BCAS3: variants seen among roughly 807,000 people sequenced by gnomAD.
BCAS3 encodes BCAS3 microtubule associated cell migration factor.
A neutral mutation model predicts 116.1 loss-of-function variants in BCAS3; 53 were observed. The ratio of observed to expected loss-of-function variants is 0.46; its 90% confidence interval spans 0.37 to 0.57. BCAS3 has a LOEUF of 0.57. Among genes scored for constraint, BCAS3 ranks in the 20% least tolerant of loss-of-function variants. The probability of loss-of-function intolerance (pLI) is 0.00; values close to 1 mark genes in which losing one functional copy is unlikely to be tolerated. For synonymous variants in BCAS3, 391 were observed against 408.2 expected (o/e 0.96, Z 0.51); for missense variants, 917 against 1,165.4 (o/e 0.79, Z 3.10).
intron 22 of BCAS3, among the ~76,000 whole-genome samples, chr17:61,178,058 T>C (rs2079249616): frequency 6.6e-6 from 1 of 152,186 alleles, no homozygotes. Flanking sequence ...GGTGTTTTGC[T>C]TCAGACTCTT....
chr17:61,342,529 A>T (rs2057235945), intron 22 of BCAS3, among the ~76,000 whole-genome samples: 1 of 152,194 alleles, frequency 6.6e-6, no homozygotes, highest in South Asian at 2.1e-4. Flanking sequence ...AGGACCTCCC[A>T]ACGCCGAGCA....
rs1298755762 is a variant in BCAS3, at chr17:61,026,478, A to G, written c.1638-8188A>G. Reference sequence around the variant, plus strand: ...ATCCAGTCATCGTTAGCTAATTTTAACCATTTTGTGTCACATAGCTACACA... The same window carrying G: ...ATCCAGTCATCGTTAGCTAATTTTAGCCATTTTGTGTCACATAGCTACACA... On this transcript the variant is annotated intron_variant, in intron 16 of 23. Coordinates refer to ENST00000407086, the MANE Select transcript of BCAS3 (RefSeq NM_017679.5). This position sits in a 1 kb window ranked among gnomAD's most constrained non-coding sequence, Gnocchi z 5.0. Among the ~76,000 whole-genome samples, 1 of 152,046 alleles carries G rather than the reference A, an allele frequency of 6.6e-6. No homozygotes were observed. Among genetic ancestry groups the G allele is most frequent in the Admixed American group, 6.6e-5 (1 of 15,242 alleles).
At chr17:60,862,353 C>T (rs1472238428) in intron 7 of BCAS3, among the ~76,000 whole-genome samples, 1 of 151,840 alleles carries the variant, frequency 6.6e-6, no homozygotes, top group Non-Finnish European at 1.5e-5. Flanking sequence ...CTCTCATGCT[C>T]GACTTTTTAT....
chr17:60,684,685 A>G (rs1198279503), intron 3 of BCAS3, among the ~76,000 whole-genome samples: 1 of 152,162 alleles, frequency 6.6e-6, no homozygotes, highest in Non-Finnish European at 1.5e-5. Context: ...TTGTAGCAAT[A>G]GTAAGAATCT....
intron 6 of BCAS3, among the ~76,000 whole-genome samples, chr17:60,789,626 T>C (rs2046582111): frequency 6.6e-6 from 1 of 152,222 alleles, no homozygotes; most frequent in South Asian, 2.1e-4. Context: ...ATCATCATGG[T>C]ACATTCTGTT....
chr17:60,892,694 G>T (rs1468615194), intron 10 of BCAS3, among the ~76,000 whole-genome samples: 3 of 152,038 alleles, frequency 2.0e-5, no homozygotes, highest in Non-Finnish European at 4.4e-5. Context: ...GCCGAGGTGG[G>T]TGGATCACGT....
At chr17:60,793,628 C>A (rs1391383389) in intron 6 of BCAS3, among the ~76,000 whole-genome samples, 1 of 152,084 alleles carries the variant, frequency 6.6e-6, no homozygotes, top group Non-Finnish European at 1.5e-5. Context: ...GCCTAGCTCC[C>A]ACATATTAGT....
At chr17:60,878,003 CT>C (rs947863417) in intron 9 of BCAS3, among the ~76,000 whole-genome samples, 39 of 134,116 alleles carry the variant, frequency 2.9e-4, no homozygotes, top group African/African-American at 1.2e-3. Flanking sequence ...CCAGTAATGT[CT>C]TTTTTTTTCT....
At chr17:61,016,262 C>T (rs1253234677) in intron 16 of BCAS3, among the ~76,000 whole-genome samples, 1 of 152,170 alleles carries the variant, frequency 6.6e-6, no homozygotes, top group African/African-American at 2.4e-5. Flanking sequence ...CAAATTTTGA[C>T]AGATACAAAT....
Position 61,141,855 on chromosome 17 carries a change from C to G in BCAS3, c.2425+57291C>G, listed in dbSNP as rs972636752. On this transcript the variant is annotated intron_variant, in intron 22 of 23. Coordinates refer to ENST00000407086, the MANE Select transcript of BCAS3 (RefSeq NM_017679.5). This position sits in a 1 kb window ranked among gnomAD's most constrained non-coding sequence, Gnocchi z 4.3. ...GGCGGAGGTTGCAGTGAGCCGAGAT[C>G]GCGCCACTGCACTCCAGCCTGGTGA... Among the ~76,000 whole-genome samples, 1 of 148,188 alleles carries G rather than the reference C, an allele frequency of 6.7e-6. No homozygotes were observed. The highest frequency in any genetic ancestry group is 2.5e-5 in the African/African-American group (1 of 39,978).
intron 6 of BCAS3, among the ~76,000 whole-genome samples, chr17:60,773,287 CTTTTTTTTTTT>C (rs1210680882): frequency 2.2e-5 from 2 of 91,998 alleles, no homozygotes. Context: ...TCTTCAGGTC[CTTTTTTTTTTT>C]TTTTTTTTTT....
chr17:60,690,225 T>C (rs1301218928), intron 4 of BCAS3, among the ~76,000 whole-genome samples: 2 of 152,198 alleles, frequency 1.3e-5, no homozygotes, highest in Admixed American at 1.3e-4. Flanking sequence ...TAGCATAGTG[T>C]CCTCAACGTT....
intron 9 of BCAS3, among the ~76,000 whole-genome samples, chr17:60,876,942 G>A (rs2055665134): frequency 6.6e-6 from 1 of 152,042 alleles, no homozygotes; most frequent in Non-Finnish European, 1.5e-5. Flanking sequence ...ATAAAACCCA[G>A]TTCACTAAAG....
In BCAS3 at chr17:61,293,178, A is replaced by T. The variant is rs112164816; in HGVS notation, c.2426-75149A>T. 8.8e-3 allele frequency among the ~76,000 whole-genome samples: 1,346 copies of T among 152,302 alleles called. 13 individuals carry two copies. Among genetic ancestry groups the T allele is most frequent in the Non-Finnish European group, 0.015 (990 of 68,022 alleles). ...GTTCGTAAAAATTATTACTGATGTA[A>T]TCTTGAACAGGAGGTGGCCCCAACT... is the stretch of plus-strand genomic sequence containing the variant. On this transcript the variant is annotated intron_variant, in intron 22 of 23. Coordinates refer to ENST00000407086, the MANE Select transcript of BCAS3 (RefSeq NM_017679.5).
At chr17:61,146,696 C>T (rs1222927412) in intron 22 of BCAS3, among the ~76,000 whole-genome samples, 4 of 152,106 alleles carry the variant, frequency 2.6e-5, no homozygotes, top group Admixed American at 2.0e-4. Context: ...CCTTGTGACT[C>T]TCATAATCAG....
At chr17:60,765,226 T>C (rs1039086601) in intron 6 of BCAS3, among the ~76,000 whole-genome samples, 1 of 152,210 alleles carries the variant, frequency 6.6e-6, no homozygotes, top group African/African-American at 2.4e-5. Context: ...AATATGATCC[T>C]GTCATTATGA....
chr17:61,149,266 G>T (rs2077413327), intron 22 of BCAS3, among the ~76,000 whole-genome samples: 3 of 152,126 alleles, frequency 2.0e-5, no homozygotes, highest in Admixed American at 6.5e-5. Context: ...CCGCTGGTAA[G>T]ATCAGGCCCA....
At chr17:60,921,124 A>T (rs978928851) in intron 12 of BCAS3, among the ~76,000 whole-genome samples, 5 of 152,126 alleles carry the variant, frequency 3.3e-5, no homozygotes, top group African/African-American at 9.7e-5. Context: ...ATTAATCACC[A>T]TGCTATTAAC....
chr17:60,922,535 A>G (rs572383043), intron 12 of BCAS3, among the ~76,000 whole-genome samples: 1 of 152,326 alleles, frequency 6.6e-6, no homozygotes, highest in Non-Finnish European at 1.5e-5. Context: ...ATGTACGACT[A>G]TTTCTCTATT....
Sources: allele counts gnomAD v4.1 joint callset (sites outside exome capture counted in the v4.1 genomes callset), GRCh38; gene constraint gnomAD v4.1.1; non-coding constraint Gnocchi (gnomAD v3.1); transcripts MANE v1.5; gene names NCBI Gene and HGNC (gene_info 2026-07-23, HGNC 2026-07-21).